The following NKAIN1 variants were observed in gnomAD, a reference collection of about 807,000 sequenced individuals.
The protein encoded by NKAIN1 is sodium/potassium transporting ATPase interacting 1, also known as sodium/potassium-transporting ATPase subunit beta-1-interacting protein 1.
NKAIN1 carries 13 observed loss-of-function variants against 31.6 expected under a neutral mutation model. That is an observed-to-expected ratio of 0.41 (90% CI 0.27 to 0.65). The LOEUF (loss-of-function observed/expected upper bound fraction) is 0.65. Among genes scored for constraint, NKAIN1 ranks in the 30% least tolerant of loss-of-function variants. The probability of loss-of-function intolerance (pLI) is 0.30; values close to 1 mark genes in which losing one functional copy is unlikely to be tolerated. For missense variants in NKAIN1, 193 were observed against 262.2 expected (o/e 0.74, Z 1.82); for synonymous variants, 104 against 109.0 (o/e 0.95, Z 0.28).
Position 31,185,408 on chromosome 1 carries a change from TGAG to T in NKAIN1, c.193-84_193-82del, listed in dbSNP as rs1645234788. ...TGTCAATGGAGACAGAGCTCAGGGA[TGAG>T]GAGATCTGGGCAGGGGAAATTATGA... is the stretch of plus-strand genomic sequence containing the variant. On this transcript the variant is annotated intron_variant, in intron 2 of 6. Transcript: ENST00000373736. The T allele has an allele frequency of 5.5e-6, 6 of 1,098,758 alleles. No homozygotes were observed. The Admixed American group carries it at 6.0e-5, about 11-fold the overall frequency. 68.1% of individuals were successfully genotyped at this position (1,098,758 alleles called of 1,614,324 possible).
chr1:31,227,788 C>T (rs577519292), intron 1 of NKAIN1, among the ~76,000 whole-genome samples: 5 of 152,136 alleles, frequency 3.3e-5, no homozygotes, highest in Non-Finnish European at 7.4e-5. Context: ...TTCATGGCCC[C>T]GGGCCATCCT....
In NKAIN1 at chr1:31,239,832, G is replaced by A. The variant is rs886424763; in HGVS notation, c.-285C>T. Among the ~76,000 whole-genome samples the A allele has an allele frequency of 4.6e-5, 7 of 152,064 alleles. No homozygotes were observed. The highest frequency in any genetic ancestry group is 3.3e-4 in the Admixed American group (5 of 15,280). On this transcript the variant is annotated 5_prime_UTR_variant, in exon 1 of 7. Transcript: ENST00000373736. This position sits in a 1 kb window ranked among gnomAD's most constrained non-coding sequence, Gnocchi z 4.8. ...GCCTCCTGCCCCGGGGCGGCTGGCG[G>A]GGAGCGCGGAGCAAGGAGAGCGAGC...
At chr1:31,202,153 T>C (rs1645384893) in intron 1 of NKAIN1, among the ~76,000 whole-genome samples, 1 of 152,156 alleles carries the variant, frequency 6.6e-6, no homozygotes, top group South Asian at 2.1e-4. Context: ...GTCTCCATGG[T>C]AACCCCATCC....
chr1:31,183,436 CTTTTTTTTTTTTTTTTTTT>C (rs3046278), intron 4 of NKAIN1, among the ~76,000 whole-genome samples: 9 of 106,704 alleles, frequency 8.4e-5, no homozygotes, highest in African/African-American at 2.2e-4. Flanking sequence ...TTCATTCCCT[CTTTTTTTTTTTTTTTTTTT>C]TTTTTTTTTT....
chr1:31,214,757 G>A (rs902529742), intron 1 of NKAIN1, among the ~76,000 whole-genome samples: 16 of 152,210 alleles, frequency 1.1e-4, no homozygotes, highest in African/African-American at 1.7e-4. Context: ...AGAGATGAGC[G>A]CCTGTGCAAA....
In NKAIN1 at chr1:31,239,485, G is replaced by T. The variant is rs1328170039; in HGVS notation, c.54+9C>A. ...CCCTGCCCCGACTGCCTGGGCACGCGACGCTTACCAGCTGCAGGCAGCAGA... is the reference window on the plus strand; with the variant it reads ...CCCTGCCCCGACTGCCTGGGCACGCTACGCTTACCAGCTGCAGGCAGCAGA... On this transcript the variant is annotated intron_variant, in intron 1 of 6. Coordinates refer to ENST00000373736, the MANE Select transcript of NKAIN1 (RefSeq NM_024522.3). The surrounding 1 kb of genome is among the most constrained non-coding windows in gnomAD (Gnocchi z 4.8). 4 of 1,440,950 alleles carry T rather than the reference G, an allele frequency of 2.8e-6. No individual in the cohort carries two copies. The highest frequency in any genetic ancestry group is 3.6e-6 in the Non-Finnish European group (4 of 1,101,680). The allele number at this position is 1,440,950 out of a possible 1,614,324, so 89.3% of individuals were successfully genotyped here.
chr1:31,216,690 T>TTTTTTTTATTTA (rs1553163510), intron 1 of NKAIN1, among the ~76,000 whole-genome samples: 1 of 140,490 alleles, frequency 7.1e-6, no homozygotes, highest in Non-Finnish European at 1.5e-5. Context: ...TGGCATTGAC[T>TTTTTTTTATTTA]TTTATTTATT....
intron 1 of NKAIN1, among the ~76,000 whole-genome samples, chr1:31,216,959 G>A (rs144116316): frequency 0.11 from 16,418 of 152,020 alleles, 1,646 homozygotes; most frequent in African/African-American, 0.27. Context: ...TCCGCCTCCC[G>A]CATTCAAGCG....
In NKAIN1 at chr1:31,239,684, C is replaced by G. The variant is rs1307923924; in HGVS notation, c.-137G>C. ...GGGGCCGGGCGCCTAGGGCCGGGCC[C>G]GGGAGTGTCCGGTCCCCAAGGCTGG... On this transcript the variant is annotated 5_prime_UTR_variant, in exon 1 of 7. Coordinates refer to ENST00000373736, the MANE Select transcript of NKAIN1 (RefSeq NM_024522.3). This position sits in a 1 kb window ranked among gnomAD's most constrained non-coding sequence, Gnocchi z 4.8. The G allele has an allele frequency of 1.4e-5, 3 of 220,886 alleles. No individual in the cohort carries two copies. Among genetic ancestry groups the G allele is most frequent in the African/African-American group, 4.7e-5 (2 of 42,366 alleles). 13.7% of individuals were successfully genotyped at this position (220,886 alleles called of 1,614,324 possible). A position where few individuals can be genotyped will look rare whatever the true frequency, so the allele number is the denominator to read the frequency against.
chr1:31,215,651 C>G (rs577473247), intron 1 of NKAIN1, among the ~76,000 whole-genome samples: 1 of 152,134 alleles, frequency 6.6e-6, no homozygotes, highest in Non-Finnish European at 1.5e-5. Flanking sequence ...AGTCCCTTTC[C>G]TGGTAATCCA....
chr1:31,213,356 G>C (rs889071731), intron 1 of NKAIN1, among the ~76,000 whole-genome samples: 1 of 152,190 alleles, frequency 6.6e-6, no homozygotes. Context: ...ATAGTCATTT[G>C]GGAAATGCAA....
At chr1:31,208,168 G>A (rs981211024) in intron 1 of NKAIN1, among the ~76,000 whole-genome samples, 2 of 152,154 alleles carry the variant, frequency 1.3e-5, no homozygotes, top group Non-Finnish European at 2.9e-5. Context: ...CTAGCCGTGT[G>A]ACCTCTGGCA....
chr1:31,192,629 C>T (rs1645295067), intron 1 of NKAIN1, among the ~76,000 whole-genome samples: 1 of 151,974 alleles, frequency 6.6e-6, no homozygotes, highest in Admixed American at 6.5e-5. Flanking sequence ...CAGCTCATTG[C>T]AAGCTCCACT....
intron 1 of NKAIN1, among the ~76,000 whole-genome samples, chr1:31,238,757 G>A (rs1429604960): frequency 6.6e-6 from 1 of 152,162 alleles, no homozygotes; most frequent in Non-Finnish European, 1.5e-5. Flanking sequence ...GAACCCCCAT[G>A]GCCACAGCGG....
intron 1 of NKAIN1, among the ~76,000 whole-genome samples, chr1:31,194,767 CTTTTTTTTTTTT>C (rs35385145): frequency 2.0e-5 from 2 of 99,400 alleles, no homozygotes; most frequent in Non-Finnish European, 3.8e-5. Context: ...CTCTCTCTCT[CTTTTTTTTTTTT>C]TTTTTTTTTT....
intron 4 of NKAIN1, among the ~76,000 whole-genome samples, chr1:31,183,178 C>T (rs1168555486): frequency 6.6e-6 from 1 of 152,098 alleles, no homozygotes; most frequent in Non-Finnish European, 1.5e-5. Context: ...ATTCTCACAA[C>T]TCTGAGGCTG....
intron 1 of NKAIN1, among the ~76,000 whole-genome samples, chr1:31,227,213 C>A (rs1202675450): frequency 6.6e-6 from 1 of 152,190 alleles, no homozygotes; most frequent in East Asian, 1.9e-4. Flanking sequence ...CTGTGCTCTG[C>A]CGCTGCCTCG....
At position 31,239,455 on chromosome 1, in the gene NKAIN1, C is replaced by T. The variant is rs570591513; in HGVS notation, c.54+39G>A. 1.4e-6 allele frequency: 2 copies of T among 1,427,114 alleles called. No homozygotes were observed. Among genetic ancestry groups the T allele is most frequent in the Admixed American group, 2.8e-5 (1 of 36,192 alleles). The allele number at this position is 1,427,114 out of a possible 1,614,324, so 88.4% of individuals were successfully genotyped here. On this transcript the variant is annotated intron_variant, in intron 1 of 6. Coordinates refer to ENST00000373736, the MANE Select transcript of NKAIN1 (RefSeq NM_024522.3). This position sits in a 1 kb window ranked among gnomAD's most constrained non-coding sequence, Gnocchi z 4.8. The stretch of plus-strand genomic sequence containing the variant: ...CGCCCTGGGACCGCGCCCCGCCGCG[C>T]CCCACCCTGCCCCGACTGCCTGGGC...
At chr1:31,186,293 T>G (rs1570449560) in intron 2 of NKAIN1, among the ~76,000 whole-genome samples, 1 of 140,298 alleles carries the variant, frequency 7.1e-6, no homozygotes, top group African/African-American at 2.7e-5. Context: ...ACCTGGGAGG[T>G]GGAGGTTGTG....
Sources: allele counts gnomAD v4.1 joint callset (sites outside exome capture counted in the v4.1 genomes callset), GRCh38; gene constraint gnomAD v4.1.1; non-coding constraint Gnocchi (gnomAD v3.1); transcripts MANE v1.5; gene names NCBI Gene and HGNC (gene_info 2026-07-23, HGNC 2026-07-21).